Variants in PTPRD observed in about 807,000 individuals in gnomAD.
PTPRD encodes the protein protein tyrosine phosphatase receptor type D.
A neutral mutation model predicts 214.5 loss-of-function variants in PTPRD; 34 were observed. The observed-to-expected ratio is 0.16, with a 90% CI of 0.12 to 0.21. The LOEUF is 0.21. PTPRD is among the 10% of genes least tolerant of loss of function. The probability of loss-of-function intolerance (pLI) is 1.00; values close to 1 mark genes in which losing one functional copy is unlikely to be tolerated. For synonymous variants in PTPRD, 1,128 were observed against 845.7 expected (o/e 1.33, Z -5.79); for missense variants, 2,545 against 2,398.7 (o/e 1.06, Z -1.27).
chr9:8,504,771 C>A (rs931085450), intron 22 of PTPRD, among the ~76,000 whole-genome samples: 1 of 152,126 alleles, frequency 6.6e-6, no homozygotes, highest in Admixed American at 6.5e-5. Context: ...ATGACACCTG[C>A]CCCTGGTAGT....
rs113183273 is a variant in PTPRD at position 9,205,624 on chromosome 9, C to T, written c.-202-22261G>A. Among the ~76,000 whole-genome samples the T allele has an allele frequency of 1.8e-3, 277 of 152,292 alleles. 1 individual carries two copies. The highest frequency in any genetic ancestry group is 6.2e-3 in the African/African-American group (259 of 41,564). On this transcript the variant is annotated intron_variant, in intron 9 of 45. Transcript: ENST00000381196. ...CAAAGTTTTCTTAGCACTAAGCATA[C>T]ATTTTATATCTTTTTTGTGGCTTTT...
intron 14 of PTPRD, among the ~76,000 whole-genome samples, chr9:8,534,219 T>G (rs1731930336): frequency 6.6e-6 from 1 of 151,940 alleles, no homozygotes; most frequent in Admixed American, 6.6e-5. Context: ...GGTTTTCAGT[T>G]CCTACGTGTC....
chr9:8,682,560 T>C (rs2097571308), intron 12 of PTPRD, among the ~76,000 whole-genome samples: 2 of 152,178 alleles, frequency 1.3e-5, no homozygotes, highest in African/African-American at 2.4e-5. Flanking sequence ...CATTTAAAAA[T>C]AATTAACACC....
At chr9:9,365,780 A>T (rs181045176) in intron 9 of PTPRD, among the ~76,000 whole-genome samples, 1 of 151,522 alleles carries the variant, frequency 6.6e-6, no homozygotes, top group Non-Finnish European at 1.5e-5. Flanking sequence ...GGGTCTCTCA[A>T]ACAGACATTT....
chr9:9,321,389 C>T (rs1323261211), intron 9 of PTPRD, among the ~76,000 whole-genome samples: 2 of 151,970 alleles, frequency 1.3e-5, no homozygotes, highest in African/African-American at 4.8e-5. Context: ...AACCCCATCT[C>T]TACCAGAAAT....
chr9:9,276,388 G>C (rs558734584), intron 9 of PTPRD, among the ~76,000 whole-genome samples: 1 of 151,472 alleles, frequency 6.6e-6, no homozygotes, highest in Non-Finnish European at 1.5e-5. Flanking sequence ...ATGTAGTCTA[G>C]AATATCAGAG....
At chr9:8,765,970 G>T (rs746385313) in intron 11 of PTPRD, among the ~76,000 whole-genome samples, 2 of 151,864 alleles carry the variant, frequency 1.3e-5, no homozygotes, top group Non-Finnish European at 2.9e-5. Flanking sequence ...GTACTCTAAA[G>T]CTATAAACAG....
chr9:8,729,449 A>T (rs75339538), intron 12 of PTPRD, among the ~76,000 whole-genome samples: 1 of 34,732 alleles, frequency 2.9e-5, no homozygotes, highest in African/African-American at 1.1e-4. Context: ...AGGTCAAATT[A>T]AAAAAAAAAA....
At chr9:9,250,773 TCAA>T (rs1047295420) in intron 9 of PTPRD, among the ~76,000 whole-genome samples, 1 of 152,050 alleles carries the variant, frequency 6.6e-6, no homozygotes, top group Non-Finnish European at 1.5e-5. Context: ...AAAAGAAATA[TCAA>T]CAACAACAAA....
At chr9:9,019,309 A>AAAGAAAGAAAGG (rs1569428676) in intron 10 of PTPRD, among the ~76,000 whole-genome samples, 37 of 107,882 alleles carry the variant, frequency 3.4e-4, no homozygotes, top group African/African-American at 1.3e-3. Context: ...AGAAAGAAAG[A>AAAGAAAGAAAGG]AAGAAAGAAA....
At chr9:8,702,705 T>G (rs1008932541) in intron 12 of PTPRD, among the ~76,000 whole-genome samples, 4 of 152,194 alleles carry the variant, frequency 2.6e-5, no homozygotes, top group Admixed American at 2.0e-4. Context: ...CCTCCCGTGT[T>G]CAAGCGATTC....
chr9:9,229,442 G>A (rs553012709), intron 9 of PTPRD, among the ~76,000 whole-genome samples: 58 of 152,170 alleles, frequency 3.8e-4, no homozygotes, highest in African/African-American at 1.3e-3. Context: ...CCTGTGTGAT[G>A]AATAATCTGT....
At chr9:10,034,073 T>A (rs1014046139) in intron 3 of PTPRD, among the ~76,000 whole-genome samples, 1 of 152,076 alleles carries the variant, frequency 6.6e-6, no homozygotes, top group Non-Finnish European at 1.5e-5. Context: ...ATCTACAGAT[T>A]AAATGCTATT....
chr9:8,324,851 G>A (rs1320909254), intron 44 of PTPRD, among the ~76,000 whole-genome samples: 5 of 152,206 alleles, frequency 3.3e-5, no homozygotes, highest in Non-Finnish European at 7.3e-5. Flanking sequence ...CTAATGACCA[G>A]TGATAGTGAG....
At chr9:9,366,053 G>A in intron 9 of PTPRD, among the ~76,000 whole-genome samples, 1 of 151,236 alleles carries the variant, frequency 6.6e-6, no homozygotes, top group East Asian at 2.0e-4. Context: ...AAGTTCTGAG[G>A]CTACAAAAAT....
rs151013759 is a variant in PTPRD at position 9,139,711 on chromosome 9, T to A, written c.-143+43593A>T. On this transcript the variant is annotated intron_variant, in intron 10 of 45. Coordinates refer to ENST00000381196, the MANE Select transcript of PTPRD (RefSeq NM_002839.4). ...AAATTAAAACTTATGCATTGTCTAT[T>A]TCTATCGTAATTTTCCATTTAGTAT... is the stretch of plus-strand genomic sequence containing the variant. Among the ~76,000 whole-genome samples, 430 of 152,292 alleles carry A rather than the reference T, an allele frequency of 2.8e-3. 1 individual carries two copies. The highest frequency in any genetic ancestry group is 3.2e-3 in the Non-Finnish European group (215 of 68,012).
At chr9:9,460,897 C>A (rs949291046) in intron 8 of PTPRD, among the ~76,000 whole-genome samples, 2 of 151,960 alleles carry the variant, frequency 1.3e-5, no homozygotes, top group Non-Finnish European at 2.9e-5. Context: ...GCACTATTCA[C>A]AATAGCAAAG....
intron 33 of PTPRD, among the ~76,000 whole-genome samples, chr9:8,459,779 A>T (rs1359451369): frequency 6.6e-6 from 1 of 152,118 alleles, no homozygotes; most frequent in Non-Finnish European, 1.5e-5. Context: ...TATTTTTTAA[A>T]AAAGGAAAAT....
chr9:9,616,157 A>T (rs898233249), intron 7 of PTPRD, among the ~76,000 whole-genome samples: 1 of 152,198 alleles, frequency 6.6e-6, no homozygotes, highest in Non-Finnish European at 1.5e-5. Context: ...GCTTCAGAAG[A>T]GTATATTGTC....
Sources: allele counts gnomAD v4.1 joint callset (sites outside exome capture counted in the v4.1 genomes callset), GRCh38; gene constraint gnomAD v4.1.1; transcripts MANE v1.5; gene names NCBI Gene and HGNC (gene_info 2026-07-23, HGNC 2026-07-21).